Variants in FBXL20 observed in about 807,000 individuals in gnomAD.
FBXL20 encodes F-box and leucine rich repeat protein 20.
FBXL20 carries 11 observed loss-of-function variants against 64.0 expected under a neutral mutation model. That is an observed-to-expected ratio of 0.17 (90% confidence interval 0.11 to 0.28). The LOEUF is 0.28. Ranked by LOEUF, FBXL20 falls within the 10% of genes least tolerant of loss-of-function variation. FBXL20 has a pLI of 1.00. For missense variants in FBXL20, 303 were observed against 526.2 expected, an observed-to-expected ratio of 0.58 and a Z score of 4.15; for synonymous variants, 184 against 189.0, an observed-to-expected ratio of 0.97 and a Z score of 0.22.
At chr17:39,345,753 C>A (rs2047626995) in intron 1 of FBXL20, among the ~76,000 whole-genome samples, 1 of 152,090 alleles carries the variant, frequency 6.6e-6, no homozygotes, top group Non-Finnish European at 1.5e-5. Context: ...GTTGGCCAGG[C>A]TGGTCTCAAA....
intron 2 of FBXL20, among the ~76,000 whole-genome samples, chr17:39,314,939 AG>A (rs1374356669): frequency 2.0e-5 from 3 of 151,842 alleles, no homozygotes; most frequent in Admixed American, 6.6e-5. Context: ...CTGGGATTAC[AG>A]GTGTACACTA....
At chr17:39,337,820 T>TGG (rs530849504) in intron 2 of FBXL20, among the ~76,000 whole-genome samples, 2 of 133,598 alleles carry the variant, frequency 1.5e-5, no homozygotes, top group Non-Finnish European at 3.2e-5. Flanking sequence ...AGGAGGGAGG[T>TGG]GGGGGGTCAG....
chr17:39,387,404 C>T (rs541943649), intron 1 of FBXL20, among the ~76,000 whole-genome samples: 1 of 151,752 alleles, frequency 6.6e-6, no homozygotes, highest in African/African-American at 2.4e-5. Flanking sequence ...CTCAGCCTCC[C>T]GAGTAACTGG....
chr17:39,370,080 T>G (rs192429899), intron 1 of FBXL20, among the ~76,000 whole-genome samples: 100 of 151,862 alleles, frequency 6.6e-4, no homozygotes, highest in African/African-American at 2.3e-3. Context: ...CAGTGCCCTC[T>G]AGCCTGGACA....
intron 8 of FBXL20, among the ~76,000 whole-genome samples, chr17:39,282,022 T>C (rs544974824): frequency 1.1e-4 from 16 of 152,172 alleles, no homozygotes; most frequent in Admixed American, 9.2e-4. Flanking sequence ...AAGGCAGTCA[T>C]ACATCTGAAA....
chr17:39,317,953 G>A (rs549659361), intron 2 of FBXL20, among the ~76,000 whole-genome samples: 31 of 151,918 alleles, frequency 2.0e-4, no homozygotes, highest in Admixed American at 9.8e-4. Flanking sequence ...CGCCCTCCTC[G>A]CCTCCCAAAG....
intron 1 of FBXL20, among the ~76,000 whole-genome samples, chr17:39,371,385 C>A (rs1425722752): frequency 2.6e-5 from 4 of 151,922 alleles, no homozygotes; most frequent in Non-Finnish European, 4.4e-5. Flanking sequence ...TGGGGCCATT[C>A]TTTTTTATTG....
chr17:39,276,309 AG>A (rs2046893164), intron 9 of FBXL20, among the ~76,000 whole-genome samples: 1 of 150,706 alleles, frequency 6.6e-6, no homozygotes, highest in African/African-American at 2.4e-5. Flanking sequence ...AAAGAAAGGA[AG>A]AAAGAAAGAA....
chr17:39,322,757 AAC>A (rs2047369639), intron 2 of FBXL20, among the ~76,000 whole-genome samples: 1 of 152,160 alleles, frequency 6.6e-6, no homozygotes, highest in African/African-American at 2.4e-5. Context: ...AAAAAAAACA[AAC>A]AACAAAACTC....
chr17:39,353,344 C>T (rs2047705805), intron 1 of FBXL20, among the ~76,000 whole-genome samples: 1 of 152,114 alleles, frequency 6.6e-6, no homozygotes, highest in Admixed American at 6.5e-5. Flanking sequence ...GGTCCATGGT[C>T]AGCCACAGTC....
At chr17:39,332,611 G>T (rs1467496911) in intron 2 of FBXL20, among the ~76,000 whole-genome samples, 1 of 145,924 alleles carries the variant, frequency 6.9e-6, no homozygotes, top group Non-Finnish European at 1.5e-5. Context: ...ACGTGATCTC[G>T]GCTCACTGCA....
rs1166336105 is a variant in FBXL20, at chr17:39,264,540, A to G, written c.991-153T>C. Among the ~76,000 whole-genome samples, 3 of 152,192 alleles carry G rather than the reference A, an allele frequency of 2.0e-5. No individual in the cohort carries two copies. The East Asian group carries it at 5.8e-4, about 29-fold the overall frequency. On this transcript the variant is annotated intron_variant, in intron 13 of 14. Transcript: ENST00000264658. ...CACGTGGTGAAATTTAAAAAACTAGAGATAGTGGGGTTATGCTTTTGGCAA... is the reference window on the plus strand; with the variant it reads ...CACGTGGTGAAATTTAAAAAACTAGGGATAGTGGGGTTATGCTTTTGGCAA...
chr17:39,284,173 T>C (rs1022642709), intron 7 of FBXL20, among the ~76,000 whole-genome samples: 1 of 152,216 alleles, frequency 6.6e-6, no homozygotes, highest in Non-Finnish European at 1.5e-5. Context: ...TAGATTTTCT[T>C]AGCTGTAAAA....
intron 13 of FBXL20, 125 bp from the exon 14 acceptor site, chr17:39,264,512 A>C: frequency 1.0e-6 from 1 of 957,304 alleles, no homozygotes; most frequent in Non-Finnish European, 1.5e-6. Context: ...CTGGCACTAG[A>C]TCCACGTGGT....
At chr17:39,289,184 T>C (rs2047015240) in intron 6 of FBXL20, among the ~76,000 whole-genome samples, 1 of 152,084 alleles carries the variant, frequency 6.6e-6, no homozygotes. Flanking sequence ...TCAAATCAGG[T>C]AGTATAAGTC....
intron 7 of FBXL20, among the ~76,000 whole-genome samples, chr17:39,284,384 T>C (rs1484931689): frequency 6.6e-6 from 1 of 152,116 alleles, no homozygotes; most frequent in Non-Finnish European, 1.5e-5. Flanking sequence ...TTAACTAAAT[T>C]TGTATTTTTT....
intron 2 of FBXL20, among the ~76,000 whole-genome samples, chr17:39,311,686 G>A (rs2047236881): frequency 6.6e-6 from 1 of 152,136 alleles, no homozygotes; most frequent in Admixed American, 6.5e-5. Flanking sequence ...AAATGCTGCT[G>A]CTTTTTCCTG....
At chr17:39,302,751 C>G (rs1222144794) in intron 3 of FBXL20, among the ~76,000 whole-genome samples, 1 of 152,150 alleles carries the variant, frequency 6.6e-6, no homozygotes, top group African/African-American at 2.4e-5. Context: ...CTCAAGCAAT[C>G]CTCCCATCTT....
At chr17:39,279,765 G>A (rs2046931786) in intron 9 of FBXL20, among the ~76,000 whole-genome samples, 2 of 152,070 alleles carry the variant, frequency 1.3e-5, no homozygotes, top group East Asian at 3.9e-4. Flanking sequence ...GAGTGTGGTG[G>A]CACATGTCTG....
Sources: gnomAD v4.1 joint callset for allele counts (sites outside exome capture counted in the v4.1 genomes callset) on GRCh38, gnomAD v4.1.1 for gene constraint, MANE v1.5 for transcripts, NCBI Gene and HGNC (gene_info 2026-07-23, HGNC 2026-07-21) for gene names.